Variants in HS2ST1 observed in about 807,000 individuals in gnomAD.
HS2ST1 encodes 2-O-sulfotransferase.
In HS2ST1, 18 loss-of-function variants were observed where a neutral mutation model predicts 42.9. The observed-to-expected ratio is 0.42, with a 90% CI of 0.29 to 0.62. The LOEUF (loss-of-function observed/expected upper bound fraction) is 0.62, where lower values mean the gene tolerates loss of function less well. Among genes scored for constraint, HS2ST1 ranks in the 20% least tolerant of loss-of-function variants. The pLI is 0.21. For synonymous variants in HS2ST1, 146 were observed against 152.9 expected (o/e 0.95, Z 0.33); for missense variants, 334 against 433.8 (o/e 0.77, Z 2.04).
intron 2 of HS2ST1, among the ~76,000 whole-genome samples, chr1:87,082,747 G>T (rs1335324095): frequency 1.3e-5 from 2 of 152,084 alleles, no homozygotes; most frequent in East Asian, 3.8e-4. Context: ...TGTTTCATTT[G>T]CAATTTGGTA....
intron 1 of HS2ST1, among the ~76,000 whole-genome samples, chr1:87,072,366 T>C (rs1651432758): frequency 6.6e-6 from 1 of 152,230 alleles, no homozygotes; most frequent in Non-Finnish European, 1.5e-5. Context: ...TTATAATCAC[T>C]GTCCTGCTAC....
chr1:87,036,684 T>C (rs1650383089), intron 1 of HS2ST1, among the ~76,000 whole-genome samples: 1 of 152,184 alleles, frequency 6.6e-6, no homozygotes. Context: ...TTATTTTTAA[T>C]TCAGTTGGTG....
At chr1:87,001,998 C>A (rs1195427542) in intron 1 of HS2ST1, among the ~76,000 whole-genome samples, 1 of 151,520 alleles carries the variant, frequency 6.6e-6, no homozygotes, top group Non-Finnish European at 1.5e-5. Context: ...CTGCAAGATC[C>A]GCCTCCAGGG....
At chr1:87,025,460 T>A (rs1650059883) in intron 1 of HS2ST1, among the ~76,000 whole-genome samples, 1 of 152,168 alleles carries the variant, frequency 6.6e-6, no homozygotes. Context: ...AGTTTTCAGA[T>A]CCTCAGCCCT....
intron 5 of HS2ST1, among the ~76,000 whole-genome samples, chr1:87,101,149 G>GGT (rs1652189494): frequency 3.4e-5 from 2 of 59,540 alleles, no homozygotes; most frequent in East Asian, 6.0e-4. Context: ...GTGTGTGTGT[G>GGT]TTTTTTGTTT....
At chr1:86,988,959 C>T (rs1648867293) in intron 1 of HS2ST1, among the ~76,000 whole-genome samples, 1 of 152,204 alleles carries the variant, frequency 6.6e-6, no homozygotes, top group Non-Finnish European at 1.5e-5. Flanking sequence ...ACCCCGTATT[C>T]CTATAACGAG....
At chr1:87,030,536 ACG>A (rs752047874) in intron 1 of HS2ST1, among the ~76,000 whole-genome samples, 22 of 151,484 alleles carry the variant, frequency 1.5e-4, no homozygotes, top group East Asian at 7.8e-4. Flanking sequence ...ACACGCACAC[ACG>A]CACACACACA....
chr1:87,072,286 T>C (rs2100634075), intron 1 of HS2ST1, among the ~76,000 whole-genome samples: 1 of 152,310 alleles, frequency 6.6e-6, no homozygotes, highest in South Asian at 2.1e-4. Flanking sequence ...TGTTAAGTCA[T>C]ATTAGCATTT....
At chr1:87,037,558 AAT>A (rs1241691062) in intron 1 of HS2ST1, among the ~76,000 whole-genome samples, 2 of 151,730 alleles carry the variant, frequency 1.3e-5, no homozygotes, top group African/African-American at 4.8e-5. Flanking sequence ...TTACATCAAT[AAT>A]ATGTCTTTAA....
chr1:86,993,008 G>A, intron 1 of HS2ST1: 1 of 1,502,358 alleles, frequency 6.7e-7, no homozygotes, highest in Non-Finnish European at 9.0e-7. Context: ...TTTCCTCCCA[G>A]TGTGGGGAGG....
In HS2ST1 at chr1:87,072,868, G is replaced by A. The variant is rs1651451916; in HGVS notation, c.125-66G>A. The A allele has an allele frequency of 5.5e-6, 6 of 1,099,706 alleles. No individual in the cohort carries two copies. In the East Asian group the frequency reaches 9.6e-5, roughly 18 times the overall value. The allele number at this position is 1,099,706 out of a possible 1,614,324, so 68.1% of individuals were successfully genotyped here. ...GTATCTTTTCTAATCATGGTCCAAAGTTCAGTGTTCATAACTTCCTTATAG... is the reference window on the plus strand; with the variant it reads ...GTATCTTTTCTAATCATGGTCCAAAATTCAGTGTTCATAACTTCCTTATAG... On this transcript the variant is annotated intron_variant, in intron 1 of 6. Transcript: ENST00000370550.
At chr1:86,929,140 A>G (rs1213418118) in intron 1 of HS2ST1, among the ~76,000 whole-genome samples, 2 of 151,916 alleles carry the variant, frequency 1.3e-5, no homozygotes, top group Admixed American at 6.6e-5. Flanking sequence ...CTGTGAAGTT[A>G]AATGATGTTC....
intron 1 of HS2ST1, among the ~76,000 whole-genome samples, chr1:86,928,355 T>C (rs1660465656): frequency 6.6e-6 from 1 of 152,042 alleles, no homozygotes; most frequent in Admixed American, 6.5e-5. Context: ...TTTGATTAAC[T>C]TGTTCAAATT....
chr1:87,012,260 A>C (rs1649618209), intron 1 of HS2ST1, among the ~76,000 whole-genome samples: 1 of 152,142 alleles, frequency 6.6e-6, no homozygotes, highest in Non-Finnish European at 1.5e-5. Context: ...GAGACTGGTA[A>C]TTTATAAAGG....
At chr1:87,068,226 T>C (rs1651303661) in intron 1 of HS2ST1, among the ~76,000 whole-genome samples, 2 of 152,198 alleles carry the variant, frequency 1.3e-5, no homozygotes, top group Non-Finnish European at 2.9e-5. Flanking sequence ...TTTATTTGTG[T>C]CCTCTCTTAT....
chr1:86,969,171 C>T (rs1279328244), intron 1 of HS2ST1, among the ~76,000 whole-genome samples: 1 of 152,194 alleles, frequency 6.6e-6, no homozygotes, highest in African/African-American at 2.4e-5. Context: ...CTTAAAATTA[C>T]ATTAATCTTT....
At chr1:87,014,756 C>G (rs1377401792) in intron 1 of HS2ST1, among the ~76,000 whole-genome samples, 1 of 152,222 alleles carries the variant, frequency 6.6e-6, no homozygotes, top group Non-Finnish European at 1.5e-5. Flanking sequence ...CCCAACACAT[C>G]TGCCCAGCAA....
rs116274589 is a variant in HS2ST1 at position 87,106,724 on chromosome 1, G to A, written c.*2028G>A. 6.6e-6 allele frequency: 1 copy of A among 151,582 alleles called. No individual in the cohort carries two copies. Among genetic ancestry groups the A allele is most frequent in the Admixed American group, 6.6e-5 (1 of 15,196 alleles). The allele number at this position is 151,582 out of a possible 1,614,324, so 9.4% of individuals were successfully genotyped here. A position where few individuals can be genotyped will look rare whatever the true frequency, so the allele number is the denominator to read the frequency against. On this transcript the variant is annotated 3_prime_UTR_variant, in exon 7 of 7. Coordinates refer to ENST00000370550, the MANE Select transcript of HS2ST1 (RefSeq NM_012262.4). ...CCTTTTTTCAAATTGACTTTTATAG[G>A]TATTTCCTGAAAGTGTATACAAATT...
chr1:86,985,377 T>TGTGC (rs1648732413), intron 1 of HS2ST1, among the ~76,000 whole-genome samples: 2 of 50,790 alleles, frequency 3.9e-5, no homozygotes, highest in African/African-American at 9.2e-5. Flanking sequence ...AGTATATATA[T>TGTGC]ATATATACAC....
Sources: allele counts gnomAD v4.1 joint callset (sites outside exome capture counted in the v4.1 genomes callset), GRCh38; gene constraint gnomAD v4.1.1; transcripts MANE v1.5; gene names NCBI Gene and HGNC (gene_info 2026-07-23, HGNC 2026-07-21).